The following SLMAP variants were observed in gnomAD, a reference collection of about 807,000 sequenced individuals.
SLMAP encodes the protein sarcolemmal membrane-associated protein.
Under a neutral mutation model 128.8 loss-of-function variants are expected in SLMAP, and 44 were observed. The ratio of observed to expected loss-of-function variants is 0.34; its 90% CI spans 0.27 to 0.44. The LOEUF is 0.44. Ranked by LOEUF, SLMAP falls within the 20% of genes least tolerant of loss-of-function variation. The pLI is 1.00. For synonymous variants in SLMAP, 327 were observed against 348.8 expected (o/e 0.94, Z 0.70); for missense variants, 787 against 985.3 (o/e 0.80, Z 2.69).
At chr3:57,886,712 T>C (rs528394300) in intron 14 of SLMAP, among the ~76,000 whole-genome samples, 1 of 149,554 alleles carries the variant, frequency 6.7e-6, no homozygotes, top group Non-Finnish European at 1.5e-5. Flanking sequence ...ACCAATTAAG[T>C]AGAATACAAG....
chr3:57,889,580 T>A (rs2096004428), intron 14 of SLMAP, among the ~76,000 whole-genome samples: 1 of 152,232 alleles, frequency 6.6e-6, no homozygotes, highest in South Asian at 2.1e-4. Flanking sequence ...TTTGAATAGC[T>A]TTTCTAAAAT....
intron 13 of SLMAP, among the ~76,000 whole-genome samples, chr3:57,868,256 C>G (rs1296888127): frequency 6.6e-6 from 1 of 151,780 alleles, no homozygotes; most frequent in African/African-American, 2.4e-5. Flanking sequence ...GAGACCCCAT[C>G]TCAAAAAAAT....
chr3:57,821,677 A>C (rs1456528378), intron 2 of SLMAP, among the ~76,000 whole-genome samples: 1 of 152,220 alleles, frequency 6.6e-6, no homozygotes, highest in Non-Finnish European at 1.5e-5. Context: ...CTCCCACTGC[A>C]GTTCATCCTA....
At chr3:57,802,271 T>A (rs2088676564) in intron 2 of SLMAP, among the ~76,000 whole-genome samples, 1 of 151,400 alleles carries the variant, frequency 6.6e-6, no homozygotes, top group Non-Finnish European at 1.5e-5. Context: ...ACTAATCTGC[T>A]CTTTGTGTGC....
chr3:57,860,082 A>T (rs908611985), intron 8 of SLMAP, among the ~76,000 whole-genome samples: 1 of 152,060 alleles, frequency 6.6e-6, no homozygotes, highest in Admixed American at 6.6e-5. Flanking sequence ...GGGTCTTGCT[A>T]TGTTGCCCAG....
At chr3:57,761,281 ATTTTGTTTTTGT>A (rs1435038977) in intron 2 of SLMAP, among the ~76,000 whole-genome samples, 2 of 151,598 alleles carry the variant, frequency 1.3e-5, no homozygotes, top group African/African-American at 2.4e-5. Flanking sequence ...TATAGAATAA[ATTTTGTTTTTGT>A]TTTTGTTTTT....
At chr3:57,757,990 G>A in intron 2 of SLMAP, 141 bp downstream of exon 2, 1 of 688,200 alleles carries the variant, frequency 1.5e-6, no homozygotes, top group Non-Finnish European at 2.5e-6. Context: ...TCAACTGTTT[G>A]TGTGCCTGGT....
chr3:57,882,250 A>G (rs180713697), intron 14 of SLMAP, among the ~76,000 whole-genome samples: 1 of 152,348 alleles, frequency 6.6e-6, no homozygotes, highest in East Asian at 1.9e-4. Context: ...TGAGTAAGAC[A>G]AAGAAGGCTT....
chr3:57,821,160 CCTATTT>C (rs1196614152), intron 2 of SLMAP, among the ~76,000 whole-genome samples: 1 of 152,104 alleles, frequency 6.6e-6, no homozygotes, highest in African/African-American at 2.4e-5. Context: ...TACCACTTTC[CCTATTT>C]CTGTCTTTCA....
chr3:57,809,775 G>A (rs184709150), intron 2 of SLMAP, among the ~76,000 whole-genome samples: 359 of 152,286 alleles, frequency 2.4e-3, no homozygotes, highest in Non-Finnish European at 2.2e-3. Context: ...CTGAGCAGAC[G>A]TTGAGATGAC....
intron 2 of SLMAP, among the ~76,000 whole-genome samples, chr3:57,775,774 A>G (rs1002244258): frequency 6.6e-6 from 1 of 152,080 alleles, no homozygotes; most frequent in African/African-American, 2.4e-5. Flanking sequence ...GTCTTGGCTC[A>G]CTGCAACCTC....
chr3:57,843,467 A>G (rs2094063816), intron 4 of SLMAP, among the ~76,000 whole-genome samples: 1 of 151,426 alleles, frequency 6.6e-6, no homozygotes, highest in Non-Finnish European at 1.5e-5. Flanking sequence ...CACCACGCCC[A>G]GCTAATTTTT....
chr3:57,826,807 C>T (rs2092958478), intron 2 of SLMAP, among the ~76,000 whole-genome samples: 1 of 152,198 alleles, frequency 6.6e-6, no homozygotes, highest in Admixed American at 6.5e-5. Flanking sequence ...GTCCAGTGAA[C>T]ACCTAATAGC....
intron 2 of SLMAP, among the ~76,000 whole-genome samples, chr3:57,783,863 G>A (rs2083538857): frequency 6.6e-6 from 1 of 152,136 alleles, no homozygotes; most frequent in South Asian, 2.1e-4. Flanking sequence ...CCTTTAATGG[G>A]CTTGATGCCT....
intron 2 of SLMAP, among the ~76,000 whole-genome samples, chr3:57,762,506 T>C (rs2153430487): frequency 6.6e-6 from 1 of 152,348 alleles, no homozygotes; most frequent in East Asian, 1.9e-4. Flanking sequence ...GCTAAGCTCA[T>C]GGAATATCTT....
intron 6 of SLMAP, among the ~76,000 whole-genome samples, chr3:57,852,098 G>C (rs1457580155): frequency 1.3e-5 from 2 of 151,742 alleles, no homozygotes; most frequent in Non-Finnish European, 2.9e-5. Context: ...TTTTAGTAGA[G>C]AGGAGGTTTC....
At chr3:57,789,919 C>T (rs1459632794) in intron 2 of SLMAP, among the ~76,000 whole-genome samples, 1 of 152,186 alleles carries the variant, frequency 6.6e-6, no homozygotes, top group Non-Finnish European at 1.5e-5. Context: ...TCACTGCAAC[C>T]TCCGCCTCCT....
chr3:57,922,823 A>G, intron 22 of SLMAP, 66 bp from the exon 23 acceptor site: 1 of 1,486,076 alleles, frequency 6.7e-7, no homozygotes, highest in South Asian at 1.2e-5. Context: ...TATAAACCTG[A>G]TTAGAACCAT....
chr3:57,832,508 A>G (rs1222586887), intron 3 of SLMAP, among the ~76,000 whole-genome samples: 1 of 152,232 alleles, frequency 6.6e-6, no homozygotes, highest in East Asian at 1.9e-4. Flanking sequence ...TTATATAGCT[A>G]AATCATAAAA....
Sources: allele counts gnomAD v4.1 joint callset (sites outside exome capture counted in the v4.1 genomes callset), GRCh38; gene constraint gnomAD v4.1.1; transcripts MANE v1.5; gene names NCBI Gene and HGNC (gene_info 2026-07-23, HGNC 2026-07-21).